Variants in WDR7 observed in about 807,000 individuals in gnomAD.
The protein encoded by WDR7 is WD repeat domain 7, also known as WD repeat-containing protein 7.
WDR7 carries 46 observed loss-of-function variants against 169.4 expected under a neutral mutation model. That is an observed-to-expected ratio of 0.27 (90% CI 0.21 to 0.35). The LOEUF (loss-of-function observed/expected upper bound fraction) is 0.35, where lower values mean the gene tolerates loss of function less well. WDR7 is among the 10% of genes least tolerant of loss of function. The probability of loss-of-function intolerance (pLI) is 1.00; values close to 1 mark genes in which losing one functional copy is unlikely to be tolerated. For synonymous variants in WDR7, 612 were observed against 666.8 expected (o/e 0.92, Z 1.27); for missense variants, 1,534 against 1,859.3 (o/e 0.83, Z 3.22).
chr18:56,799,808 G>A (rs2145153457), intron 19 of WDR7, among the ~76,000 whole-genome samples: 1 of 148,224 alleles, frequency 6.7e-6, no homozygotes, highest in South Asian at 2.1e-4. Context: ...CAAGTGGATA[G>A]GGATTATTCA....
At chr18:56,928,047 G>A (rs1007628083) in intron 22 of WDR7, among the ~76,000 whole-genome samples, 4 of 152,186 alleles carry the variant, frequency 2.6e-5, no homozygotes, top group African/African-American at 7.2e-5. Flanking sequence ...AGGGGCATGC[G>A]AAAGAAAGGG....
chr18:56,844,626 G>T (rs760707304), intron 20 of WDR7, among the ~76,000 whole-genome samples: 4 of 152,148 alleles, frequency 2.6e-5, no homozygotes, highest in Admixed American at 2.6e-4. Flanking sequence ...AAGAGCTACC[G>T]CTCTGCAGCC....
intron 14 of WDR7, among the ~76,000 whole-genome samples, chr18:56,732,033 T>A (rs2026598902): frequency 6.6e-6 from 1 of 152,228 alleles, no homozygotes; most frequent in Admixed American, 6.5e-5. Context: ...TAAGCGATTG[T>A]AAAGATTTAA....
intron 26 of WDR7, among the ~76,000 whole-genome samples, chr18:56,994,412 G>C (rs2047866999): frequency 6.6e-6 from 1 of 151,954 alleles, no homozygotes; most frequent in Admixed American, 6.6e-5. Flanking sequence ...TTGGAAACAT[G>C]TGAGTTTTGT....
In WDR7 at chr18:56,708,166, T is replaced by A. The variant is rs2026004491; in HGVS notation, c.1579-9798T>A. On this transcript the variant is annotated intron_variant, in intron 12 of 27. Coordinates refer to ENST00000254442, the MANE Select transcript of WDR7 (RefSeq NM_015285.3). ...CTTGTGCCTCAGCCTCCTGAGTAGC[T>A]GGGATTACAAGGGCTCGCCAACACA... Among the ~76,000 whole-genome samples, 2 of 151,908 alleles carry A rather than the reference T, an allele frequency of 1.3e-5. 1 individual carries two copies. The highest frequency in any genetic ancestry group is 4.2e-4 in the South Asian group (2 of 4,788).
chr18:56,832,654 A>G (rs939400028), intron 20 of WDR7, among the ~76,000 whole-genome samples: 3 of 152,180 alleles, frequency 2.0e-5, no homozygotes, highest in East Asian at 1.9e-4. Context: ...TAAGGCAGCA[A>G]TGTTTGCTGT....
intron 20 of WDR7, among the ~76,000 whole-genome samples, chr18:56,829,813 A>T (rs922755010): frequency 6.6e-6 from 1 of 152,190 alleles, no homozygotes; most frequent in Non-Finnish European, 1.5e-5. Context: ...TGAATGTGGT[A>T]TGTGAATGTG....
chr18:56,857,326 C>T (rs2145394528), intron 20 of WDR7, among the ~76,000 whole-genome samples: 1 of 152,188 alleles, frequency 6.6e-6, no homozygotes, highest in African/African-American at 2.4e-5. Context: ...GTGGTGTGAT[C>T]TCAGCTCATT....
At chr18:56,725,192 T>C (rs546189769) in intron 13 of WDR7, among the ~76,000 whole-genome samples, 7 of 150,854 alleles carry the variant, frequency 4.6e-5, no homozygotes, top group African/African-American at 1.7e-4. Flanking sequence ...CTGGGTCAAA[T>C]GGTATTTCTA....
intron 19 of WDR7, among the ~76,000 whole-genome samples, chr18:56,811,939 G>A (rs1435985440): frequency 2.0e-5 from 3 of 152,048 alleles, no homozygotes; most frequent in East Asian, 1.9e-4. Context: ...GAATTGTTTT[G>A]TCCTAATTCC....
chr18:56,910,672 A>G lies in WDR7; in HGVS notation c.3527-13250A>G, dbSNP rs537035414. 2.0e-5 allele frequency among the ~76,000 whole-genome samples: 3 copies of G among 152,302 alleles called. No individual in the cohort carries two copies. In the South Asian group the frequency reaches 6.2e-4, roughly 32 times the overall value. On this transcript the variant is annotated intron_variant, in intron 21 of 27. Coordinates refer to ENST00000254442, the MANE Select transcript of WDR7 (RefSeq NM_015285.3). The stretch of plus-strand genomic sequence containing the variant: ...ATAAAGCAAGCTTCTCTAAAGGGTA[A>G]TCTCATGTAAACATATAGATTTCAG...
chr18:56,724,348 G>C (rs1047894109), intron 13 of WDR7, among the ~76,000 whole-genome samples: 7 of 151,698 alleles, frequency 4.6e-5, no homozygotes, highest in African/African-American at 1.7e-4. Flanking sequence ...AAGAAGCTGG[G>C]ATTATAGGCA....
chr18:56,728,439 T>C (rs990648716), intron 13 of WDR7, among the ~76,000 whole-genome samples: 3 of 152,184 alleles, frequency 2.0e-5, no homozygotes, highest in Non-Finnish European at 2.9e-5. Context: ...TCTTTCAGCA[T>C]TGTCTTGCTT....
chr18:57,002,576 G>A (rs994659), intron 26 of WDR7, among the ~76,000 whole-genome samples: 95,148 of 151,878 alleles, frequency 0.63, 30,387 homozygotes, highest in Middle Eastern at 0.73. Context: ...TTCTATAAGC[G>A]AAAAGAGACT....
intron 14 of WDR7, among the ~76,000 whole-genome samples, chr18:56,735,575 TC>T (rs1219913303): frequency 6.6e-6 from 1 of 152,196 alleles, no homozygotes; most frequent in Non-Finnish European, 1.5e-5. Flanking sequence ...TTGATTTTTT[TC>T]AGATATGCTC....
intron 26 of WDR7, among the ~76,000 whole-genome samples, chr18:56,970,978 A>G (rs928495002): frequency 3.3e-5 from 5 of 152,210 alleles, no homozygotes; most frequent in African/African-American, 9.6e-5. Flanking sequence ...TCTCATAAAA[A>G]ATGGAACTCC....
intron 21 of WDR7, among the ~76,000 whole-genome samples, chr18:56,912,082 G>T (rs914647138): frequency 3.3e-5 from 5 of 152,156 alleles, no homozygotes; most frequent in African/African-American, 4.8e-5. Flanking sequence ...GATGTTTAAT[G>T]GTGTATGGGT....
chr18:56,766,643 G>GC (rs955142283), intron 16 of WDR7, among the ~76,000 whole-genome samples: 1 of 151,934 alleles, frequency 6.6e-6, no homozygotes, highest in African/African-American at 2.4e-5. Flanking sequence ...TCCCTGTTTG[G>GC]CCCCCTCAAA....
intron 12 of WDR7, among the ~76,000 whole-genome samples, chr18:56,701,430 A>G (rs547181826): frequency 1.3e-5 from 2 of 152,306 alleles, no homozygotes; most frequent in East Asian, 3.9e-4. Flanking sequence ...AAAGCTGTTC[A>G]CAGTATAAAA....
Sources: allele counts gnomAD v4.1 joint callset (sites outside exome capture counted in the v4.1 genomes callset), GRCh38; gene constraint gnomAD v4.1.1; transcripts MANE v1.5; gene names NCBI Gene and HGNC (gene_info 2026-07-23, HGNC 2026-07-21).